CFAP210: variants seen among roughly 807,000 people sequenced by gnomAD.
CFAP210 encodes the protein cilia- and flagella- associated protein 210.
the CFAP210 span, among the ~76,000 whole-genome samples, chr2:169,678,341 CAAAAAAAA>C: frequency 4.5e-5 from 4 of 88,200 alleles, no homozygotes; most frequent in Non-Finnish European, 4.5e-5. Flanking sequence ...AACTCTGTTG[CAAAAAAAA>C]AAAAAAAAAA....
At chr2:169,655,900 AAACGGCAGAAACAATTAGTTGC>A in the CFAP210 span, among the ~76,000 whole-genome samples, 5 of 152,242 alleles carry the variant, frequency 3.3e-5, no homozygotes, top group Non-Finnish European at 1.5e-5. Flanking sequence ...AACAAAAAGA[AAACGGCAGAAACAATTAGTTGC>A]CTAAGCTTCG....
At chr2:169,675,020 A>C in the CFAP210 span, 2 of 1,521,112 alleles carry the variant, frequency 1.3e-6, no homozygotes, top group Non-Finnish European at 1.8e-6. Flanking sequence ...TTTTGGCTTC[A>C]AGTTTCTGTT....
the CFAP210 span, among the ~76,000 whole-genome samples, chr2:169,651,674 TTTATC>T: frequency 2.0e-5 from 3 of 152,020 alleles, no homozygotes; most frequent in African/African-American, 7.2e-5. Flanking sequence ...ATTTCAATAT[TTTATC>T]AGACTACCCT....
At chr2:169,649,952 A>G in the CFAP210 span, among the ~76,000 whole-genome samples, 2 of 152,122 alleles carry the variant, frequency 1.3e-5, no homozygotes, top group East Asian at 3.9e-4. Context: ...CAATGTGTAT[A>G]AACTATCCAA....
chr2:169,645,763 T>C, the CFAP210 span: 1 of 886,464 alleles, frequency 1.1e-6, no homozygotes, highest in Non-Finnish European at 1.7e-6. Flanking sequence ...AGAACAGCTT[T>C]ATTAACTGAA....
the CFAP210 span, among the ~76,000 whole-genome samples, chr2:169,693,409 T>C: frequency 2.6e-5 from 4 of 152,344 alleles, no homozygotes; most frequent in Admixed American, 2.0e-4. Context: ...TCCTTTTACA[T>C]GGCAAAAGTC....
the CFAP210 span, among the ~76,000 whole-genome samples, chr2:169,666,184 C>A: frequency 6.6e-6 from 1 of 151,996 alleles, no homozygotes; most frequent in African/African-American, 2.4e-5. Context: ...ACAGTACCAC[C>A]ATCTTTTCAG....
the CFAP210 span, among the ~76,000 whole-genome samples, chr2:169,687,087 G>A: frequency 3.3e-5 from 5 of 152,136 alleles, no homozygotes; most frequent in Admixed American, 6.5e-5. Flanking sequence ...ACTATTATAA[G>A]AATGGCATGG....
chr2:169,649,437 G>A, the CFAP210 span: 6 of 1,195,154 alleles, frequency 5.0e-6, no homozygotes, highest in South Asian at 1.5e-5. Flanking sequence ...TTGAAGCAGA[G>A]GAGAGTCAGC....
At chr2:169,653,322 G>C in the CFAP210 span, among the ~76,000 whole-genome samples, 45 of 151,772 alleles carry the variant, frequency 3.0e-4, 1 homozygote, top group Admixed American at 2.8e-3. Flanking sequence ...AGAAGAGGGA[G>C]AGGAGGGAAT....
the CFAP210 span, chr2:169,648,183 A>G: frequency 4.4e-6 from 1 of 227,694 alleles, no homozygotes; most frequent in South Asian, 4.8e-5. Flanking sequence ...AAAAAAAAAA[A>G]AAAAAAAGTG....
chr2:169,691,620 A>G, the CFAP210 span, among the ~76,000 whole-genome samples: 1 of 152,176 alleles, frequency 6.6e-6, no homozygotes, highest in African/African-American at 2.4e-5. Context: ...GATGCTTTCA[A>G]CTTGGTGGAG....
the CFAP210 span, among the ~76,000 whole-genome samples, chr2:169,647,923 A>C: frequency 7.0e-4 from 106 of 152,222 alleles, 1 homozygote; most frequent in African/African-American, 2.5e-3. Context: ...GGGAGGCCGA[A>C]GCCAAGGTGG....
chr2:169,663,570 A>T, the CFAP210 span, among the ~76,000 whole-genome samples: 1 of 152,072 alleles, frequency 6.6e-6, no homozygotes, highest in Non-Finnish European at 1.5e-5. Context: ...AGGTTCAGGG[A>T]AGGGAAAATT....
At chr2:169,694,365 G>A in the CFAP210 span, 1 of 1,603,032 alleles carries the variant, frequency 6.2e-7, no homozygotes, top group South Asian at 1.1e-5. Flanking sequence ...GTGGCGCCAA[G>A]CGCCGCGGAC....
At chr2:169,661,908 G>C in the CFAP210 span, among the ~76,000 whole-genome samples, 2 of 152,198 alleles carry the variant, frequency 1.3e-5, no homozygotes, top group Non-Finnish European at 2.9e-5. Context: ...AGTGGAGGCA[G>C]GGACTAGAAT....
At chr2:169,682,273 A>G in the CFAP210 span, among the ~76,000 whole-genome samples, 1 of 152,212 alleles carries the variant, frequency 6.6e-6, no homozygotes, top group Non-Finnish European at 1.5e-5. Flanking sequence ...TCAATCTCCT[A>G]GAGAGCCATA....
chr2:169,680,671 T>C, the CFAP210 span, among the ~76,000 whole-genome samples: 2 of 152,198 alleles, frequency 1.3e-5, no homozygotes, highest in East Asian at 1.9e-4. Flanking sequence ...AGGAAGCAGA[T>C]CGGTGGTTAC....
At chr2:169,683,275 A>C in the CFAP210 span, among the ~76,000 whole-genome samples, 3 of 152,228 alleles carry the variant, frequency 2.0e-5, no homozygotes, top group Admixed American at 6.5e-5. Flanking sequence ...CTTTAGTTGC[A>C]AATGACTAAT....
Sources: allele counts gnomAD v4.1 joint callset (sites outside exome capture counted in the v4.1 genomes callset), GRCh38; gene constraint gnomAD v4.1.1; transcripts MANE v1.5; gene names NCBI Gene and HGNC (gene_info 2026-07-23, HGNC 2026-07-21).